ARHGEF10: variants seen among roughly 807,000 people sequenced by gnomAD.
ARHGEF10 encodes Rho guanine nucleotide exchange factor 10.
A neutral mutation model predicts 147.4 loss-of-function variants in ARHGEF10; 140 were observed. That is an observed-to-expected ratio of 0.95 (90% confidence interval 0.83 to 1.09). ARHGEF10 has a LOEUF of 1.09. ARHGEF10 is among the 50% of genes least tolerant of loss of function. The pLI is 0.00. For synonymous variants in ARHGEF10, 902 were observed against 695.8 expected (o/e 1.30, Z -4.67); for missense variants, 2,222 against 1,752.7 (o/e 1.27, Z -4.78).
chr8:1,944,903 G>A (rs926469315), intron 26 of ARHGEF10, among the ~76,000 whole-genome samples: 1 of 152,244 alleles, frequency 6.6e-6, no homozygotes, highest in African/African-American at 2.4e-5. Context: ...GGTGACGAGG[G>A]CCCAGGCCCA....
chr8:1,939,403 C>T (rs1474881297), intron 26 of ARHGEF10, among the ~76,000 whole-genome samples: 3 of 152,262 alleles, frequency 2.0e-5, no homozygotes, highest in Non-Finnish European at 2.9e-5. Context: ...AGGCCCGGCT[C>T]TCAGTCCCAG....
At chr8:1,901,608 A>G (rs13258241) in intron 15 of ARHGEF10, among the ~76,000 whole-genome samples, 13,115 of 152,268 alleles carry the variant, frequency 0.086, 620 homozygotes, top group African/African-American at 0.12. Context: ...TCCTTCCCTG[A>G]GCCTCCTTGG....
In ARHGEF10 at chr8:1,873,484, C is replaced by T. The variant is rs554986560; in HGVS notation, c.680-3087C>T. ...TCCTCGTTGCGTTGAGAGGCGCCCG[C>T]GGGGTAGTGCACCCGCATTTCCTCG... On this transcript the variant is annotated intron_variant, in intron 7 of 28. Coordinates refer to ENST00000349830, the MANE Select transcript of ARHGEF10 (RefSeq NM_014629.4). Among the ~76,000 whole-genome samples the T allele has an allele frequency of 2.7e-3, 367 of 134,572 alleles. 5 individuals carry two copies. Among genetic ancestry groups the T allele is most frequent in the Non-Finnish European group, 2.6e-3 (162 of 63,320 alleles). The allele number at this position is 134,572 out of a possible 152,430, so 88.3% of individuals were successfully genotyped here. A position where few individuals can be genotyped will look rare whatever the true frequency, so the allele number is the denominator to read the frequency against.
chr8:1,932,023 C>T (rs1271732980), intron 25 of ARHGEF10, among the ~76,000 whole-genome samples: 2 of 152,188 alleles, frequency 1.3e-5, no homozygotes, highest in African/African-American at 4.8e-5. Context: ...TAGGACACTG[C>T]CAAGCCACAC....
rs1205769946 is a variant in ARHGEF10, at chr8:1,923,797, C to T, written c.2411C>T (p.Thr804Ile). 2.5e-6 allele frequency: 4 copies of T among 1,614,142 alleles called. No homozygotes were observed. Among genetic ancestry groups the T allele is most frequent in the Admixed American group, 1.7e-5 (1 of 60,022 alleles). Residue 804 changes from threonine to isoleucine, a missense_variant, in exon 21 of 29, where the codon ACA becomes ATA. Coordinates refer to ENST00000349830, the MANE Select transcript of ARHGEF10 (RefSeq NM_014629.4). ...AGATCTGGGCGACCGACGTTCTTTACAGCTGTGTTCAATACGTTCACCCCT... is the reference window on the plus strand; with the variant it reads ...AGATCTGGGCGACCGACGTTCTTTATAGCTGTGTTCAATACGTTCACCCCT... Reference protein sequence around the residue: ...QDKSGRPTFFTAVFNTFTPAI... With the variant: ...QDKSGRPTFFIAVFNTFTPAI...
At chr8:1,896,236 G>C (rs1809959150) in intron 13 of ARHGEF10, 97 bp from the exon 14 acceptor site, 2 of 893,566 alleles carry the variant, frequency 2.2e-6, no homozygotes, top group Non-Finnish European at 3.8e-6. Flanking sequence ...GTGACCGAAA[G>C]AGTATTTTGA....
intron 11 of ARHGEF10, among the ~76,000 whole-genome samples, chr8:1,891,521 G>C (rs1809525330): frequency 1.3e-5 from 2 of 152,164 alleles, no homozygotes; most frequent in South Asian, 4.1e-4. Flanking sequence ...TTCCCGGTGA[G>C]GACATGAGGA....
intron 7 of ARHGEF10, among the ~76,000 whole-genome samples, chr8:1,871,514 A>C (rs184000258): frequency 6.6e-6 from 1 of 152,346 alleles, no homozygotes; most frequent in African/African-American, 2.4e-5. Context: ...AATTATAGAC[A>C]TAATGGCATA....
intron 18 of ARHGEF10, among the ~76,000 whole-genome samples, chr8:1,921,002 C>T (rs893924678): frequency 1.3e-5 from 2 of 152,074 alleles, no homozygotes; most frequent in Non-Finnish European, 2.9e-5. Context: ...ATCAGGCTGG[C>T]CTCGAACTCT....
chr8:1,857,874 CGA>C lies in ARHGEF10; in HGVS notation c.38-85_38-84del, dbSNP rs1491219166. 3,657 of 430,690 alleles carry C rather than the reference CGA, an allele frequency of 8.5e-3. 11 individuals are homozygous for C. Among genetic ancestry groups the C allele is most frequent in the Admixed American group, 0.013 (246 of 19,614 alleles). The allele number at this position is 430,690 out of a possible 1,614,324, so 26.7% of individuals were successfully genotyped here. On this transcript the variant is annotated intron_variant, in intron 2 of 28. Transcript: ENST00000349830. ...GTCAGTGTCTCTGGCTAACATAGAT[CGA>C]TCGATCTATCTATCTATCTATCTAT...
chr8:1,892,812 A>G lies in ARHGEF10; in HGVS notation c.1183-757A>G, dbSNP rs571376203. 6.6e-5 allele frequency among the ~76,000 whole-genome samples: 10 copies of G among 152,248 alleles called. No homozygotes were observed. In the East Asian group the frequency reaches 7.7e-4, roughly 12 times the overall value. On this transcript the variant is annotated intron_variant, in intron 11 of 28. Coordinates refer to ENST00000349830, the MANE Select transcript of ARHGEF10 (RefSeq NM_014629.4). ...ATTGCCCTGTTTTGCTCTGTTTTCC[A>G]TGAATTGGCAAATTGGAAGTACAAT...
chr8:1,832,883 CAG>C (rs1226044881), intron 1 of ARHGEF10, among the ~76,000 whole-genome samples: 7 of 77,980 alleles, frequency 9.0e-5, no homozygotes, highest in African/African-American at 3.2e-4. Flanking sequence ...GACAGAGAGA[CAG>C]AGGCAGACGC....
At chr8:1,865,391 C>G (rs908891704) in intron 5 of ARHGEF10, among the ~76,000 whole-genome samples, 3 of 150,404 alleles carry the variant, frequency 2.0e-5, no homozygotes, top group African/African-American at 7.4e-5. Context: ...TCCCCCAGCA[C>G]CCAGGGGGTG....
intron 27 of ARHGEF10, among the ~76,000 whole-genome samples, chr8:1,949,162 T>C (rs1814828388): frequency 6.6e-6 from 1 of 152,238 alleles, no homozygotes; most frequent in South Asian, 2.1e-4. Context: ...AACTGTATTA[T>C]AACTCATGCC....
At chr8:1,911,665 C>T (rs1264763540) in intron 18 of ARHGEF10, among the ~76,000 whole-genome samples, 5 of 152,182 alleles carry the variant, frequency 3.3e-5, no homozygotes, top group Non-Finnish European at 7.3e-5. Context: ...GACCGACAGT[C>T]TCTTGTTAGC....
rs373032561 is a variant in ARHGEF10, at chr8:1,866,557, C to A, written c.577C>A (p.Leu193Ile). 6.2e-6 allele frequency: 10 copies of A among 1,609,748 alleles called. No individual in the cohort carries two copies. The South Asian group carries it at 1.1e-4, about 18-fold the overall frequency. Residue 193 changes from leucine (L) to isoleucine (I), a missense_variant, in exon 6 of 29, where the codon CTT becomes ATT. Leu to Ile is a conservative substitution (Grantham distance 5, BLOSUM62 2). Transcript: ENST00000349830. ...TCAAGTCGGTCGAGAGGACAGCGCACTTGCCCGCTGGGCCGCAGACCCGGC... is the reference window on the plus strand; with the variant it reads ...TCAAGTCGGTCGAGAGGACAGCGCAATTGCCCGCTGGGCCGCAGACCCGGC... The part of the protein sequence containing the change: ...EDQVGREDSA[L>I]ARWAADPANT...
At chr8:1,916,723 C>A (rs1228621624) in intron 18 of ARHGEF10, among the ~76,000 whole-genome samples, 2 of 152,194 alleles carry the variant, frequency 1.3e-5, no homozygotes, top group African/African-American at 4.8e-5. Flanking sequence ...ATTTGTGCCT[C>A]TTATCAGACT....
At chr8:1,832,893 C>G (rs111204967) in intron 1 of ARHGEF10, among the ~76,000 whole-genome samples, 8,367 of 34,294 alleles carry the variant, frequency 0.24, 901 homozygotes, top group Middle Eastern at 0.3. Flanking sequence ...CAGAGGCAGA[C>G]GCAGAGACAG....
Position 1,929,438 on chromosome 8 carries a change from C to A in ARHGEF10, c.3074C>A (p.Ala1025Asp), listed in dbSNP as rs760528440. 1.2e-6 allele frequency: 2 copies of A among 1,606,390 alleles called. No homozygotes were observed. Among genetic ancestry groups the A allele is most frequent in the Non-Finnish European group, 1.7e-6 (2 of 1,176,210 alleles). The change falls in exon 25 of 29, where the codon GCC becomes GAC. Residue 1025 changes from alanine to aspartate, a missense_variant. Physicochemically the swap from Ala to Asp is moderately radical, Grantham distance 126. Transcript: ENST00000349830. ...GGGGCAGTCGCCAGCTACGCCAGAG[C>A]CCCAGGTGAGGCGGGTCTCACGGCC... ...VNGAVASYAR[A>D]PDGSWDSEPQ...
Sources: allele counts gnomAD v4.1 joint callset (sites outside exome capture counted in the v4.1 genomes callset), GRCh38; gene constraint gnomAD v4.1.1; transcripts MANE v1.5; gene names NCBI Gene and HGNC (gene_info 2026-07-23, HGNC 2026-07-21).